Variants in FUT9 observed in about 807,000 individuals in gnomAD.
The protein encoded by FUT9 is fucosyltransferase 9.
A neutral mutation model predicts 29.7 loss-of-function variants in FUT9; 15 were observed. The observed-to-expected ratio is 0.51, with a 90% CI of 0.34 to 0.78. The LOEUF is 0.78. Among genes scored for constraint, FUT9 ranks in the 30% least tolerant of loss-of-function variants. FUT9 has a pLI of 0.01. For missense variants in FUT9, 319 were observed against 425.4 expected (o/e 0.75, Z 2.20); for synonymous variants, 169 against 153.7 (o/e 1.10, Z -0.74).
At position 96,209,580 on chromosome 6, in the gene FUT9, G is replaced by A. The variant is rs973931995; in HGVS notation, c.*5345G>A. On this transcript the variant is annotated 3_prime_UTR_variant, in exon 3 of 3. Coordinates refer to ENST00000302103, the MANE Select transcript of FUT9 (RefSeq NM_006581.4). ...TTTATTGATGCAAAAAATTTAGGGAGTCATTGGAAATACCTGAGGCAATCC... is the reference window on the plus strand; with the variant it reads ...TTTATTGATGCAAAAAATTTAGGGAATCATTGGAAATACCTGAGGCAATCC... 6 of 166,872 alleles carry A rather than the reference G, an allele frequency of 3.6e-5. No homozygotes were observed. The highest frequency in any genetic ancestry group is 1.2e-4 in the African/African-American group (5 of 41,416). 10.3% of individuals were successfully genotyped at this position (166,872 alleles called of 1,614,324 possible).
rs145182144 is a variant in FUT9, at chr6:96,151,368, G to A, written c.-9+37241G>A. 1.6e-4 allele frequency among the ~76,000 whole-genome samples: 24 copies of A among 152,232 alleles called. No homozygotes were observed. In the East Asian group the frequency reaches 3.1e-3, roughly 20 times the overall value. Reference sequence around the variant, plus strand: ...GAAGATAATCACATTGTAACAGAGAGAAATGAAAATCTGTCAAAGAGAATG... The same window carrying A: ...GAAGATAATCACATTGTAACAGAGAAAAATGAAAATCTGTCAAAGAGAATG... On this transcript the variant is annotated intron_variant, in intron 2 of 2. Transcript: ENST00000302103.
At chr6:96,157,215 C>T (rs1037875118) in intron 2 of FUT9, among the ~76,000 whole-genome samples, 1 of 152,130 alleles carries the variant, frequency 6.6e-6, no homozygotes, top group Non-Finnish European at 1.5e-5. Context: ...CCTTCACTTT[C>T]GTTTTCTCTT....
At chr6:96,198,143 T>A (rs145309295) in intron 2 of FUT9, among the ~76,000 whole-genome samples, 3 of 152,034 alleles carry the variant, frequency 2.0e-5, no homozygotes, top group African/African-American at 7.3e-5. Context: ...GTACTTTAAG[T>A]TTTAGGGTAC....
At chr6:96,040,368 G>A (rs1290906997) in intron 1 of FUT9, among the ~76,000 whole-genome samples, 1 of 152,150 alleles carries the variant, frequency 6.6e-6, no homozygotes, top group Admixed American at 6.5e-5. Flanking sequence ...TTATTAGCTA[G>A]TATTCCACAA....
chr6:96,029,425 C>G (rs2127925698), intron 1 of FUT9, among the ~76,000 whole-genome samples: 1 of 151,544 alleles, frequency 6.6e-6, no homozygotes, highest in Non-Finnish European at 1.5e-5. Context: ...TTGGCTGCCA[C>G]TTCAGATAAA....
intron 2 of FUT9, among the ~76,000 whole-genome samples, chr6:96,175,388 TC>T (rs1457843798): frequency 6.6e-6 from 1 of 152,186 alleles, no homozygotes; most frequent in East Asian, 1.9e-4. Context: ...ACAAAATACA[TC>T]CCCAATACTA....
At chr6:96,027,599 A>G (rs1419473035) in intron 1 of FUT9, among the ~76,000 whole-genome samples, 2 of 151,324 alleles carry the variant, frequency 1.3e-5, no homozygotes, top group Non-Finnish European at 1.5e-5. Context: ...AAATTTTCCA[A>G]TTTCTTCTGA....
chr6:96,189,396 A>C (rs1396580933), intron 2 of FUT9, among the ~76,000 whole-genome samples: 1 of 151,960 alleles, frequency 6.6e-6, no homozygotes, highest in Admixed American at 6.6e-5. Context: ...AGCAATTGGA[A>C]TTCATCAACA....
Position 96,204,150 on chromosome 6 carries a change from CACAT to C in FUT9, c.996_999del (p.Ala334ValfsTer7). 8 of 1,496,376 alleles carry C rather than the reference CACAT, an allele frequency of 5.3e-6. No individual in the cohort carries two copies. The highest frequency in any genetic ancestry group is 7.1e-6 in the Non-Finnish European group (8 of 1,122,044). 92.7% of individuals were successfully genotyped at this position (1,496,376 alleles called of 1,614,324 possible). On this transcript the variant is annotated frameshift_variant, in exon 3 of 3. Transcript: ENST00000302103. LOFTEE classifies it high-confidence loss of function. ...GTAAATCTTCCACGATTTTGGGAATCACATGCATGTTTGGCTTGCGATCATGTGA... is the reference window on the plus strand; with the variant it reads ...GTAAATCTTCCACGATTTTGGGAATCGCATGTTTGGCTTGCGATCATGTGA...
intron 2 of FUT9, among the ~76,000 whole-genome samples, chr6:96,128,384 G>A (rs1772171332): frequency 6.6e-6 from 1 of 152,084 alleles, no homozygotes; most frequent in Non-Finnish European, 1.5e-5. Flanking sequence ...AGACAATAAT[G>A]TCCAACCTTA....
intron 1 of FUT9, among the ~76,000 whole-genome samples, chr6:96,064,461 A>G (rs999641719): frequency 2.6e-5 from 4 of 152,098 alleles, no homozygotes; most frequent in African/African-American, 7.2e-5. Context: ...GACAGCAAAG[A>G]AAAAAATGAG....
intron 2 of FUT9, among the ~76,000 whole-genome samples, chr6:96,179,222 A>T (rs1020653676): frequency 6.6e-6 from 1 of 152,150 alleles, no homozygotes; most frequent in East Asian, 1.9e-4. Flanking sequence ...ACTTTCATGC[A>T]TTCATTTTTT....
At chr6:96,019,940 C>G (rs1158645278) in intron 1 of FUT9, among the ~76,000 whole-genome samples, 1 of 151,978 alleles carries the variant, frequency 6.6e-6, no homozygotes, top group Non-Finnish European at 1.5e-5. Context: ...AAACATTTTC[C>G]ACTTCTTTTA....
At chr6:96,157,558 A>G (rs1428801412) in intron 2 of FUT9, among the ~76,000 whole-genome samples, 4 of 152,184 alleles carry the variant, frequency 2.6e-5, no homozygotes, top group Non-Finnish European at 5.9e-5. Flanking sequence ...ACAAATAATG[A>G]CATTTGAAGG....
At chr6:96,024,704 A>G (rs1374664344) in intron 1 of FUT9, among the ~76,000 whole-genome samples, 2 of 151,740 alleles carry the variant, frequency 1.3e-5, no homozygotes, top group East Asian at 3.9e-4. Context: ...AGCATCAAGG[A>G]TAGGGAAGTT....
chr6:96,109,699 T>C (rs1262731800), intron 1 of FUT9, among the ~76,000 whole-genome samples: 2 of 152,240 alleles, frequency 1.3e-5, no homozygotes, highest in Non-Finnish European at 2.9e-5. Context: ...TAATAGCCTT[T>C]GAACTGGCTA....
At chr6:96,165,158 G>A (rs1333627159) in intron 2 of FUT9, among the ~76,000 whole-genome samples, 1 of 152,132 alleles carries the variant, frequency 6.6e-6, no homozygotes, top group Non-Finnish European at 1.5e-5. Context: ...CAGGCTGGGA[G>A]TGGTGGTTCA....
chr6:96,098,395 C>G (rs1187328688), intron 1 of FUT9, among the ~76,000 whole-genome samples: 1 of 152,122 alleles, frequency 6.6e-6, no homozygotes, highest in Non-Finnish European at 1.5e-5. Flanking sequence ...TTTAATCACT[C>G]ACGATCCACA....
At chr6:96,183,262 C>T (rs4840233) in intron 2 of FUT9, among the ~76,000 whole-genome samples, 138,701 of 152,054 alleles carry the variant, frequency 0.91, 64,617 homozygotes, top group Non-Finnish European at 1. Flanking sequence ...ATTGTTGGTG[C>T]ATAGGAGAGC....
Sources: gnomAD v4.1 joint callset for allele counts (sites outside exome capture counted in the v4.1 genomes callset) on GRCh38, gnomAD v4.1.1 for gene constraint, MANE v1.5 for transcripts, NCBI Gene and HGNC (gene_info 2026-07-23, HGNC 2026-07-21) for gene names.